The following GREB1L variants were observed in gnomAD, a reference collection of about 807,000 sequenced individuals.
GREB1L encodes the protein GREB1 like retinoic acid receptor coactivator.
GREB1L carries 17 observed loss-of-function variants against 200.8 expected under a neutral mutation model. The ratio of observed to expected loss-of-function variants is 0.08; its 90% CI spans 0.06 to 0.13. The LOEUF is 0.13. GREB1L is among the 10% of genes least tolerant of loss of function. The pLI, the probability that GREB1L is intolerant of heterozygous loss-of-function variation, is 1.00. For missense variants in GREB1L, 1,657 were observed against 2,367.7 expected, an observed-to-expected ratio of 0.70 and a Z score of 6.23; for synonymous variants, 789 against 893.0, an observed-to-expected ratio of 0.88 and a Z score of 2.08.
chr18:21,247,326 A>G (rs1263419417), intron 1 of GREB1L, among the ~76,000 whole-genome samples: 2 of 152,038 alleles, frequency 1.3e-5, no homozygotes, highest in African/African-American at 2.4e-5. Context: ...ATTTTTCCCT[A>G]TGCTTTATGA....
chr18:21,326,569 A>G (rs2039025992), intron 1 of GREB1L, among the ~76,000 whole-genome samples: 1 of 152,216 alleles, frequency 6.6e-6, no homozygotes, highest in South Asian at 2.1e-4. Flanking sequence ...AACCTGTTGG[A>G]TGATCATGTC....
At chr18:21,465,484 T>C (rs2035229276) in intron 15 of GREB1L, among the ~76,000 whole-genome samples, 1 of 152,160 alleles carries the variant, frequency 6.6e-6, no homozygotes, top group South Asian at 2.1e-4. Context: ...TATTATGATA[T>C]ACGTTACTTA....
At chr18:21,339,381 A>G (rs2039235645) in intron 1 of GREB1L, among the ~76,000 whole-genome samples, 1 of 152,190 alleles carries the variant, frequency 6.6e-6, no homozygotes, top group Non-Finnish European at 1.5e-5. Context: ...CAAGCTGTGT[A>G]AGTAAAATCA....
intron 1 of GREB1L, among the ~76,000 whole-genome samples, chr18:21,353,137 G>T (rs763422340): frequency 6.7e-6 from 1 of 149,726 alleles, no homozygotes; most frequent in African/African-American, 2.5e-5. Context: ...AGCAGAGATC[G>T]CATCACTGCA....
At chr18:21,290,468 G>A (rs904685779) in intron 1 of GREB1L, among the ~76,000 whole-genome samples, 1 of 152,082 alleles carries the variant, frequency 6.6e-6, no homozygotes. Context: ...TGGGCAGATG[G>A]TTCCATTTCA....
chr18:21,376,702 G>T (rs1225057894), intron 2 of GREB1L, among the ~76,000 whole-genome samples: 2 of 151,250 alleles, frequency 1.3e-5, no homozygotes, highest in Admixed American at 1.3e-4. Flanking sequence ...CTACTTGGGA[G>T]GCTGAGGCAG....
intron 1 of GREB1L, among the ~76,000 whole-genome samples, chr18:21,260,916 G>T (rs9959136): frequency 6.6e-6 from 1 of 151,322 alleles, no homozygotes; most frequent in Non-Finnish European, 1.5e-5. Flanking sequence ...TACTAAAATC[G>T]GTTTTATACT....
At chr18:21,273,491 TATTC>T (rs1485350522) in intron 1 of GREB1L, among the ~76,000 whole-genome samples, 2 of 152,230 alleles carry the variant, frequency 1.3e-5, no homozygotes, top group African/African-American at 4.8e-5. Flanking sequence ...TTTAATTGTC[TATTC>T]ATTAATTCAA....
At chr18:21,511,706 G>GT (rs1261406153) in intron 27 of GREB1L, among the ~76,000 whole-genome samples, 3 of 152,170 alleles carry the variant, frequency 2.0e-5, no homozygotes, top group Non-Finnish European at 4.4e-5. Flanking sequence ...GTGTGCAGTG[G>GT]TACGACCATA....
At chr18:21,373,983 T>A (rs1323988141) in intron 2 of GREB1L, among the ~76,000 whole-genome samples, 11 of 152,086 alleles carry the variant, frequency 7.2e-5, no homozygotes, top group East Asian at 3.9e-4. Context: ...GTCTCGTATG[T>A]CTTCTAACAT....
chr18:21,517,127 GCCTCCCAA>G (rs1163689821), intron 30 of GREB1L, among the ~76,000 whole-genome samples: 4 of 152,096 alleles, frequency 2.6e-5, no homozygotes, highest in Non-Finnish European at 4.4e-5. Flanking sequence ...ACCCGCCTTG[GCCTCCCAA>G]AGTGCTGGGA....
chr18:21,260,407 G>A (rs1164725817), intron 1 of GREB1L, among the ~76,000 whole-genome samples: 4 of 151,956 alleles, frequency 2.6e-5, no homozygotes, highest in African/African-American at 9.7e-5. Context: ...AAAAAGGAAA[G>A]AGACTGAAAG....
chr18:21,274,166 C>A (rs1437774337), intron 1 of GREB1L, among the ~76,000 whole-genome samples: 1 of 152,086 alleles, frequency 6.6e-6, no homozygotes, highest in East Asian at 1.9e-4. Flanking sequence ...ACAGATGATG[C>A]CTTCTAGCTG....
rs1363702663 is a variant in GREB1L, at chr18:21,356,560, G to A, written c.-119-9467G>A. Among the ~76,000 whole-genome samples the A allele has an allele frequency of 2.6e-5, 4 of 152,020 alleles. No individual in the cohort carries two copies. The East Asian group carries it at 7.7e-4, about 29-fold the overall frequency. ...TGTGTATATATACCACATTTTCCTT[G>A]TACATACATCTGTTGATGGACACTT... On this transcript the variant is annotated intron_variant, in intron 1 of 32. Transcript: ENST00000424526.
In GREB1L at chr18:21,442,373, TTTGC is replaced by T. The variant is rs1298490164; in HGVS notation, c.1207+840_1207+843del. Among the ~76,000 whole-genome samples the T allele has an allele frequency of 2.6e-5, 4 of 152,192 alleles. No individual in the cohort carries two copies. In the East Asian group the frequency reaches 7.7e-4, roughly 29 times the overall value. ...GCCTGAGCCTGCCTAATTGGATGGT[TTTGC>T]TTGGAGTCATGTCCTTTACCTGGTT... is the stretch of plus-strand genomic sequence containing the variant. On this transcript the variant is annotated intron_variant, in intron 10 of 32. Transcript: ENST00000424526.
intron 1 of GREB1L, among the ~76,000 whole-genome samples, chr18:21,323,742 C>T (rs559285403): frequency 6.6e-6 from 1 of 152,256 alleles, no homozygotes; most frequent in South Asian, 2.1e-4. Context: ...AAGACCCCAT[C>T]TCTAAAAATT....
chr18:21,393,580 C>T (rs1390283403), intron 4 of GREB1L, among the ~76,000 whole-genome samples: 1 of 152,174 alleles, frequency 6.6e-6, no homozygotes, highest in Non-Finnish European at 1.5e-5. Context: ...AGGTGCCTGC[C>T]ACCATGTCCG....
At chr18:21,472,784 G>A (rs967659612) in intron 15 of GREB1L, among the ~76,000 whole-genome samples, 2 of 152,182 alleles carry the variant, frequency 1.3e-5, no homozygotes, top group Non-Finnish European at 2.9e-5. Context: ...TTTATCTCAT[G>A]TACCAGAATG....
intron 1 of GREB1L, among the ~76,000 whole-genome samples, chr18:21,283,790 G>C (rs2038310021): frequency 6.6e-6 from 1 of 152,162 alleles, no homozygotes; most frequent in South Asian, 2.1e-4. Flanking sequence ...TTTAGGATAT[G>C]AACATCTTGT....
Sources: allele counts gnomAD v4.1 joint callset (sites outside exome capture counted in the v4.1 genomes callset), GRCh38; gene constraint gnomAD v4.1.1; transcripts MANE v1.5; gene names NCBI Gene and HGNC (gene_info 2026-07-23, HGNC 2026-07-21).